Variants in AUTS2 observed in about 807,000 individuals in gnomAD.
AUTS2 encodes autism susceptibility gene 2 protein.
Under a neutral mutation model 112.4 loss-of-function variants are expected in AUTS2, and 17 were observed. The observed-to-expected ratio is 0.15, with a 90% CI of 0.10 to 0.23. AUTS2 has a LOEUF of 0.23. Ranked by LOEUF, AUTS2 falls within the 10% of genes least tolerant of loss-of-function variation. The pLI, the probability that AUTS2 is intolerant of heterozygous loss-of-function variation, is 1.00. For synonymous variants in AUTS2, 751 were observed against 702.7 expected, an observed-to-expected ratio of 1.07 and a Z score of -1.09; for missense variants, 1,510 against 1,701.6, an observed-to-expected ratio of 0.89 and a Z score of 1.98.
At chr7:69,683,512 C>T (rs1295225703) in intron 1 of AUTS2, among the ~76,000 whole-genome samples, 1 of 152,148 alleles carries the variant, frequency 6.6e-6, no homozygotes, top group Admixed American at 6.5e-5. Context: ...TTAATAACTC[C>T]TGTAATACCA....
At chr7:70,245,939 A>T (rs1174584555) in intron 4 of AUTS2, among the ~76,000 whole-genome samples, 1 of 152,026 alleles carries the variant, frequency 6.6e-6, no homozygotes, top group Non-Finnish European at 1.5e-5. Flanking sequence ...GCACATGTGT[A>T]TGTGTGTGTG....
intron 4 of AUTS2, among the ~76,000 whole-genome samples, chr7:70,347,768 AC>A (rs1236342212): frequency 6.6e-6 from 1 of 152,032 alleles, no homozygotes; most frequent in African/African-American, 2.4e-5. Context: ...TCCCCTCAGC[AC>A]CCACACTTCT....
At chr7:70,252,923 C>G (rs1786676551) in intron 4 of AUTS2, among the ~76,000 whole-genome samples, 1 of 152,142 alleles carries the variant, frequency 6.6e-6, no homozygotes, top group Non-Finnish European at 1.5e-5. Context: ...TCTGTGTTCT[C>G]TATCCTGTTT....
intron 4 of AUTS2, among the ~76,000 whole-genome samples, chr7:70,374,189 T>C (rs1450234863): frequency 6.6e-6 from 1 of 152,210 alleles, no homozygotes; most frequent in Non-Finnish European, 1.5e-5. Context: ...AAATCATTAA[T>C]GTCTCAAGAA....
intron 5 of AUTS2, among the ~76,000 whole-genome samples, chr7:70,698,289 CT>C (rs1809241248): frequency 6.6e-6 from 1 of 152,158 alleles, no homozygotes; most frequent in Non-Finnish European, 1.5e-5. Flanking sequence ...AGCTGAATTG[CT>C]TTGTGTATCA....
At chr7:70,778,050 T>C (rs1351383337) in intron 14 of AUTS2, among the ~76,000 whole-genome samples, 4 of 152,324 alleles carry the variant, frequency 2.6e-5, no homozygotes, top group Admixed American at 6.5e-5. Flanking sequence ...TCTGGCTAGT[T>C]ACCTCGCTGT....
Position 70,401,970 on chromosome 7 carries a change from C to G in AUTS2, c.661-33782C>G, listed in dbSNP as rs180738431. Among the ~76,000 whole-genome samples, 197 of 152,370 alleles carry G rather than the reference C, an allele frequency of 1.3e-3. 2 individuals are homozygous for G. The highest frequency in any genetic ancestry group is 0.011 in the Admixed American group (165 of 15,304). On this transcript the variant is annotated intron_variant, in intron 4 of 18. Coordinates refer to ENST00000342771, the MANE Select transcript of AUTS2 (RefSeq NM_015570.4). The stretch of plus-strand genomic sequence containing the variant: ...CTGTAACTTCTTACACTATTCCCCC[C>G]AGGTTTCTGATCAACTCATAACCTT...
chr7:69,786,554 T>G (rs1789385092), intron 1 of AUTS2, among the ~76,000 whole-genome samples: 1 of 152,202 alleles, frequency 6.6e-6, no homozygotes, highest in South Asian at 2.1e-4. Context: ...TCTTTCACTC[T>G]AAATCTTGCT....
rs1355371672 is a variant in AUTS2, at chr7:70,311,964, T to G, written c.661-123788T>G. The stretch of plus-strand genomic sequence containing the variant: ...CTCTTGACCTCGTGATCCGCCCGCC[T>G]TGGCCTCCCAAAGTGCTGAGATTAT... On this transcript the variant is annotated intron_variant, in intron 4 of 18. Transcript: ENST00000342771. Among the ~76,000 whole-genome samples, 3 of 152,340 alleles carry G rather than the reference T, an allele frequency of 2.0e-5. No homozygotes were observed. In the East Asian group the frequency reaches 5.8e-4, roughly 29 times the overall value.
intron 4 of AUTS2, among the ~76,000 whole-genome samples, chr7:70,346,614 C>T (rs1007761198): frequency 5.3e-5 from 8 of 152,176 alleles, no homozygotes; most frequent in African/African-American, 7.2e-5. Context: ...GAGCTACCCC[C>T]GGGAAAGTCT....
At chr7:70,652,483 C>T (rs1806557152) in intron 5 of AUTS2, among the ~76,000 whole-genome samples, 1 of 152,178 alleles carries the variant, frequency 6.6e-6, no homozygotes, top group African/African-American at 2.4e-5. Flanking sequence ...ATCATCATTT[C>T]TGCTAAAGAT....
intron 4 of AUTS2, among the ~76,000 whole-genome samples, chr7:70,407,723 G>T (rs1794596985): frequency 6.6e-6 from 1 of 151,486 alleles, no homozygotes; most frequent in African/African-American, 2.4e-5. Flanking sequence ...GTTCAAGACC[G>T]ACCTGGGCAA....
intron 5 of AUTS2, among the ~76,000 whole-genome samples, chr7:70,685,922 T>G (rs2129545750): frequency 6.6e-6 from 1 of 151,490 alleles, no homozygotes; most frequent in South Asian, 2.1e-4. Context: ...TCCCAGAAGC[T>G]GCACCCATGC....
At chr7:70,256,480 G>A (rs1351226099) in intron 4 of AUTS2, among the ~76,000 whole-genome samples, 1 of 152,136 alleles carries the variant, frequency 6.6e-6, no homozygotes, top group Middle Eastern at 3.2e-3. Context: ...GTTACAAATG[G>A]CTTCCAAGCT....
intron 1 of AUTS2, among the ~76,000 whole-genome samples, chr7:69,663,630 G>A (rs975359755): frequency 6.6e-6 from 1 of 152,134 alleles, no homozygotes; most frequent in African/African-American, 2.4e-5. Context: ...TATTTCTGAA[G>A]CTTGATAAAC....
At chr7:69,966,867 G>A (rs1188863835) in intron 2 of AUTS2, among the ~76,000 whole-genome samples, 4 of 151,940 alleles carry the variant, frequency 2.6e-5, no homozygotes, top group Admixed American at 6.6e-5. Flanking sequence ...TTTTCTTTAC[G>A]TTTCTGAAAA....
At chr7:70,626,255 G>GTGGT (rs1563084688) in intron 5 of AUTS2, among the ~76,000 whole-genome samples, 1 of 150,344 alleles carries the variant, frequency 6.7e-6, no homozygotes, top group Non-Finnish European at 1.5e-5. Flanking sequence ...CAGGTATGGT[G>GTGGT]GCTCACACCT....
intron 6 of AUTS2, among the ~76,000 whole-genome samples, chr7:70,710,826 T>C (rs1228140011): frequency 3.9e-5 from 6 of 152,244 alleles, no homozygotes; most frequent in Non-Finnish European, 7.3e-5. Flanking sequence ...TTCCTGGATT[T>C]GGAGCAGTGT....
intron 4 of AUTS2, among the ~76,000 whole-genome samples, chr7:70,287,492 C>T (rs763291887): frequency 1.3e-5 from 2 of 152,136 alleles, no homozygotes; most frequent in Non-Finnish European, 2.9e-5. Context: ...ATTATAGGGA[C>T]TAATGAAATT....
Sources: gnomAD v4.1 joint callset for allele counts (sites outside exome capture counted in the v4.1 genomes callset) on GRCh38, gnomAD v4.1.1 for gene constraint, MANE v1.5 for transcripts, NCBI Gene and HGNC (gene_info 2026-07-23, HGNC 2026-07-21) for gene names.